The following LRRC37A3 variants were observed in gnomAD, a reference collection of about 807,000 sequenced individuals.
LRRC37A3 encodes the protein leucine rich repeat containing 37 member A3, also known as leucine-rich repeat-containing protein 37A3.
In LRRC37A3, 25 loss-of-function variants were observed where a neutral mutation model predicts 106.2. That is an observed-to-expected ratio of 0.24 (90% CI 0.17 to 0.33). LRRC37A3 has a LOEUF of 0.33. LRRC37A3 is among the 10% of genes least tolerant of loss of function. The probability of loss-of-function intolerance (pLI) is 1.00; values close to 1 mark genes in which losing one functional copy is unlikely to be tolerated. For synonymous variants in LRRC37A3, 305 were observed against 635.8 expected (o/e 0.48, Z 7.83); for missense variants, 712 against 1,644.9 (o/e 0.43, Z 9.81).
At chr17:64,917,501 A>G (rs1365034563) in intron 2 of LRRC37A3, among the ~76,000 whole-genome samples, 1 of 152,138 alleles carries the variant, frequency 6.6e-6, no homozygotes, top group Non-Finnish European at 1.5e-5. Context: ...TAGGTGCCAC[A>G]AACTAGAAAT....
chr17:64,863,227 G>C (rs1972935875), intron 10 of LRRC37A3: 3 of 597,064 alleles, frequency 5.0e-6, no homozygotes, highest in South Asian at 3.8e-5. Flanking sequence ...GGTATGCCTA[G>C]AATAAAGATG....
chr17:64,883,207 C>T (rs908339566), intron 8 of LRRC37A3, among the ~76,000 whole-genome samples: 1 of 152,164 alleles, frequency 6.6e-6, no homozygotes, highest in Non-Finnish European at 1.5e-5. Flanking sequence ...TGCAAAACCT[C>T]GATATGGTTG....
rs562190152 is a variant in LRRC37A3 at position 64,854,628 on chromosome 17, T to A, written c.4876A>T (p.Thr1626Ser). The change falls in exon 15 of 15, where the codon ACG becomes TCG. Residue 1626 changes from threonine to serine, a missense_variant. By Grantham distance (58) the Thr-to-Ser change is moderately conservative (BLOSUM62 1). Transcript: ENST00000584306. The stretch of plus-strand genomic sequence containing the variant: ...GGCAGGGCTTCACTCTCCTCCTCCG[T>A]TGGGGCTTCGCTGTCCCTGGGATAA... ...EGFSRDSEAP[T>S]EEESEALP 1 of 1,613,828 alleles carries A rather than the reference T, an allele frequency of 6.2e-7. No individual in the cohort carries two copies. Among genetic ancestry groups the A allele is most frequent in the Non-Finnish European group, 8.5e-7 (1 of 1,179,880 alleles).
At chr17:64,867,337 A>G (rs1973149684) in intron 10 of LRRC37A3, among the ~76,000 whole-genome samples, 1 of 150,102 alleles carries the variant, frequency 6.7e-6, no homozygotes, top group Non-Finnish European at 1.5e-5. Context: ...CTGGGATTAC[A>G]GGCATGTGCC....
chr17:64,860,243 G>A lies in LRRC37A3; in HGVS notation c.3903C>T (p.Ser1301=), dbSNP rs749900449. Residue 1301 remains serine, a synonymous_variant, in exon 12 of 15, where the codon TCC becomes TCT. Transcript: ENST00000584306. Reference sequence around the variant, plus strand: ...TTTTGTGAAAGCGGTATTTTTTTCTGGAATGTACGATGGGTTTAGATGTCT... The same window carrying A: ...TTTTGTGAAAGCGGTATTTTTTTCTAGAATGTACGATGGGTTTAGATGTCT... ...NMKTSKPIVH[S]RKKYRFHKTR... 1.1e-5 allele frequency: 17 copies of A among 1,613,800 alleles called. No individual in the cohort carries two copies. In the Admixed American group the frequency reaches 2.8e-4, roughly 27 times the overall value.
chr17:64,868,651 A>G (rs1372520775), intron 9 of LRRC37A3, 115 bp from the exon 10 acceptor site: 9 of 1,434,844 alleles, frequency 6.3e-6, no homozygotes, highest in Admixed American at 2.0e-5. Context: ...TATTTGCTGT[A>G]GAATTCCAGG....
chr17:64,917,280 A>C (rs560375775), intron 2 of LRRC37A3, among the ~76,000 whole-genome samples: 164 of 150,876 alleles, frequency 1.1e-3, no homozygotes, highest in Non-Finnish European at 2.0e-3. Context: ...ACCTGAAAAT[A>C]TCAAGTGCTA....
chr17:64,855,844 A>G lies in LRRC37A3; in HGVS notation c.4855T>C (p.Ser1619Pro). The G allele has an allele frequency of 6.2e-7, 1 of 1,611,820 alleles. No individual in the cohort carries two copies. Among genetic ancestry groups the G allele is most frequent in the Non-Finnish European group, 8.5e-7 (1 of 1,179,706 alleles). ...AATCACCAGACTAATATTTACCTTG[A>G]GAATCCTTCTTCATCTTCTTGTAAT... ...RSLQEDEEGF[S>P]RDSEAPTEEE... is the part of the protein sequence containing the mutation. The change falls in exon 14 of 15, where the codon TCA (serine) becomes CCA (proline). Residue 1619 changes from serine to proline, a missense_variant. Physicochemically the swap from Ser to Pro is moderately conservative, Grantham distance 74. Coordinates refer to ENST00000584306, the MANE Select transcript of LRRC37A3 (RefSeq NM_199340.5).
intron 8 of LRRC37A3, chr17:64,881,069 A>T (rs1973684880): frequency 8.6e-6 from 6 of 700,308 alleles, no homozygotes; most frequent in Middle Eastern, 3.6e-4. Flanking sequence ...AATATGCGCG[A>T]TGTACTTGGG....
chr17:64,876,021 C>T (rs886952808), intron 8 of LRRC37A3, among the ~76,000 whole-genome samples: 3 of 152,126 alleles, frequency 2.0e-5, no homozygotes, highest in Non-Finnish European at 4.4e-5. Context: ...CAGATGCGCA[C>T]CACCACACTC....
At chr17:64,919,214 G>A (rs913593226) in intron 1 of LRRC37A3, among the ~76,000 whole-genome samples, 1 of 151,942 alleles carries the variant, frequency 6.6e-6, no homozygotes, top group African/African-American at 2.4e-5. Context: ...GCTCCGCAGA[G>A]GGAGCCGCGG....
At chr17:64,858,656 A>C (rs1328781342) in intron 13 of LRRC37A3, 123 bp downstream of exon 13, 1 of 769,050 alleles carries the variant, frequency 1.3e-6, no homozygotes, top group Non-Finnish European at 2.3e-6. Flanking sequence ...CTCAGCCTTA[A>C]ATGACTGAAG....
intron 8 of LRRC37A3, among the ~76,000 whole-genome samples, chr17:64,882,806 T>G (rs921115209): frequency 2.0e-5 from 3 of 152,164 alleles, no homozygotes; most frequent in Admixed American, 2.0e-4. Context: ...GTGCTTACAT[T>G]CTTGGCATGA....
rs1452254448 is a variant in LRRC37A3 at position 64,902,074 on chromosome 17, GA to G, written c.-495-3616del. ...TCAGCAGAGTTTATTTATTCAGAGA[GA>G]AAACAATCACAACAATAGCATATTT... On this transcript the variant is annotated intron_variant, in intron 2 of 14. Coordinates refer to ENST00000584306, the MANE Select transcript of LRRC37A3 (RefSeq NM_199340.5). Among the ~76,000 whole-genome samples, 839 of 149,696 alleles carry G rather than the reference GA, an allele frequency of 5.6e-3. 2 individuals are homozygous for G. The highest frequency in any genetic ancestry group is 0.02 in the African/African-American group (825 of 40,542).
intron 13 of LRRC37A3, among the ~76,000 whole-genome samples, chr17:64,857,226 T>C (rs907954318): frequency 6.6e-6 from 1 of 152,036 alleles, no homozygotes; most frequent in African/African-American, 2.4e-5. Context: ...GTACCACCAA[T>C]AACTAATTAG....
At chr17:64,890,757 G>A (rs1197692451) in intron 5 of LRRC37A3, among the ~76,000 whole-genome samples, 28 of 145,822 alleles carry the variant, frequency 1.9e-4, no homozygotes, top group Admixed American at 6.0e-4. Flanking sequence ...CCTTGAACCC[G>A]GGAGGTGGAG....
At chr17:64,910,830 C>T (rs1272393639) in intron 2 of LRRC37A3, among the ~76,000 whole-genome samples, 6 of 148,648 alleles carry the variant, frequency 4.0e-5, no homozygotes, top group South Asian at 2.2e-4. Flanking sequence ...TTAGTAGAGA[C>T]GGGGTCTCAC....
At chr17:64,917,735 G>A (rs1171786165) in intron 2 of LRRC37A3, among the ~76,000 whole-genome samples, 1 of 152,134 alleles carries the variant, frequency 6.6e-6, no homozygotes, top group Non-Finnish European at 1.5e-5. Context: ...GGGAGGCCGA[G>A]GCCGGCGGAT....
At chr17:64,856,420 A>G (rs1471612922) in intron 13 of LRRC37A3, among the ~76,000 whole-genome samples, 1 of 147,862 alleles carries the variant, frequency 6.8e-6, no homozygotes, top group African/African-American at 2.6e-5. Flanking sequence ...AGGTCTCACT[A>G]TGCTGCCCAG....
Sources: allele counts gnomAD v4.1 joint callset (sites outside exome capture counted in the v4.1 genomes callset), GRCh38; gene constraint gnomAD v4.1.1; transcripts MANE v1.5; gene names NCBI Gene and HGNC (gene_info 2026-07-23, HGNC 2026-07-21).